Variants in MDFIC observed in about 807,000 individuals in gnomAD.
The protein encoded by MDFIC is MyoD family inhibitor domain containing.
MDFIC carries 17 observed loss-of-function variants against 23.2 expected under a neutral mutation model. That is an observed-to-expected ratio of 0.73 (90% CI 0.50 to 1.10). The LOEUF is 1.10. Among genes scored for constraint, MDFIC ranks in the 50% least tolerant of loss-of-function variants. The pLI, the probability that MDFIC is intolerant of heterozygous loss-of-function variation, is 0.00. For missense variants in MDFIC, 356 were observed against 316.6 expected (o/e 1.12, Z -0.95); for synonymous variants, 120 against 115.2 (o/e 1.04, Z -0.27).
chr7:114,943,050 T>C (rs1792577809), intron 3 of MDFIC, among the ~76,000 whole-genome samples: 1 of 152,130 alleles, frequency 6.6e-6, no homozygotes, highest in Admixed American at 6.5e-5. Context: ...TTATTCGACA[T>C]AGCAAACACC....
At chr7:114,983,801 C>T (rs1393330585) in intron 4 of MDFIC, among the ~76,000 whole-genome samples, 1 of 151,792 alleles carries the variant, frequency 6.6e-6, no homozygotes, top group Non-Finnish European at 1.5e-5. Flanking sequence ...GAACTCCTGA[C>T]CTCAGGTGAT....
chr7:114,923,180 G>T, intron 2 of MDFIC, 53 bp downstream of exon 2: 1 of 1,527,240 alleles, frequency 6.5e-7, no homozygotes, highest in Non-Finnish European at 8.8e-7. Context: ...GCATTTTTCA[G>T]TTTGCTCACA....
At chr7:115,008,890 T>G (rs928130388) in intron 4 of MDFIC, among the ~76,000 whole-genome samples, 3 of 152,194 alleles carry the variant, frequency 2.0e-5, no homozygotes, top group African/African-American at 7.2e-5. Flanking sequence ...CTTCACCCAG[T>G]CAGACTTCTG....
intron 3 of MDFIC, among the ~76,000 whole-genome samples, chr7:114,960,134 T>C (rs951197334): frequency 6.6e-6 from 1 of 152,168 alleles, no homozygotes; most frequent in African/African-American, 2.4e-5. Context: ...GAAATGTACT[T>C]GGAGAAAATC....
At chr7:114,943,581 T>G (rs1188003222) in intron 3 of MDFIC, among the ~76,000 whole-genome samples, 1 of 152,204 alleles carries the variant, frequency 6.6e-6, no homozygotes, top group African/African-American at 2.4e-5. Flanking sequence ...GGAAGATTTA[T>G]ATAGCTTTAT....
chr7:114,950,239 G>T (rs568544952), intron 3 of MDFIC, among the ~76,000 whole-genome samples: 5 of 152,094 alleles, frequency 3.3e-5, no homozygotes, highest in Non-Finnish European at 7.4e-5. Flanking sequence ...CTTGGACTGG[G>T]GTAATGACAG....
chr7:114,952,981 A>C (rs1792808041), intron 3 of MDFIC, among the ~76,000 whole-genome samples: 1 of 152,326 alleles, frequency 6.6e-6, no homozygotes, highest in African/African-American at 2.4e-5. Context: ...GATTATTAAT[A>C]ATTACCATTT....
chr7:114,994,856 G>T (rs979349261), intron 4 of MDFIC, among the ~76,000 whole-genome samples: 4 of 152,070 alleles, frequency 2.6e-5, no homozygotes, highest in Admixed American at 2.6e-4. Flanking sequence ...GAGTATCTTT[G>T]TGGCATTCTC....
At chr7:114,941,447 T>C (rs559357533) in intron 2 of MDFIC, among the ~76,000 whole-genome samples, 7 of 152,320 alleles carry the variant, frequency 4.6e-5, no homozygotes, top group Non-Finnish European at 1.5e-5. Flanking sequence ...GCTTTTGGAG[T>C]TTGCCCGTGC....
intron 3 of MDFIC, among the ~76,000 whole-genome samples, chr7:114,968,716 A>G (rs899033812): frequency 1.3e-5 from 2 of 152,166 alleles, no homozygotes; most frequent in African/African-American, 2.4e-5. Flanking sequence ...CCTTTTCTCA[A>G]TGTATTTTAA....
At chr7:114,952,727 C>A (rs1005777143) in intron 3 of MDFIC, among the ~76,000 whole-genome samples, 13 of 152,106 alleles carry the variant, frequency 8.5e-5, no homozygotes, top group African/African-American at 2.9e-4. Context: ...AGATTCCCAC[C>A]ATCTCAAATT....
chr7:114,941,502 A>T (rs1375871298), intron 2 of MDFIC, among the ~76,000 whole-genome samples: 2 of 152,156 alleles, frequency 1.3e-5, no homozygotes, highest in African/African-American at 4.8e-5. Flanking sequence ...AAATCCAACT[A>T]ATCTTTTGAA....
intron 2 of MDFIC, among the ~76,000 whole-genome samples, chr7:114,937,276 G>T (rs1004217274): frequency 2.0e-5 from 3 of 152,154 alleles, no homozygotes; most frequent in Non-Finnish European, 4.4e-5. Context: ...CTGTAAGATG[G>T]ATAGTCATTT....
At position 115,016,319 on chromosome 7, in the gene MDFIC, G is replaced by A. The variant is rs1791794162; in HGVS notation, c.*384G>A. 1 of 211,660 alleles carries A rather than the reference G, an allele frequency of 4.7e-6. No individual in the cohort carries two copies. The highest frequency in any genetic ancestry group is 6.9e-5 in the South Asian group (1 of 14,570). The allele number at this position is 211,660 out of a possible 1,614,324, so 13.1% of individuals were successfully genotyped here. ...TAAACGAGGCAGTTTATTTTGATATGTATCTATTCATGATTGAAAGGAAGC... is the reference window on the plus strand; with the variant it reads ...TAAACGAGGCAGTTTATTTTGATATATATCTATTCATGATTGAAAGGAAGC... On this transcript the variant is annotated 3_prime_UTR_variant, in exon 5 of 5. Transcript: ENST00000393486.
chr7:114,966,584 A>G (rs1025247054), intron 3 of MDFIC, among the ~76,000 whole-genome samples: 1 of 152,230 alleles, frequency 6.6e-6, no homozygotes, highest in African/African-American at 2.4e-5. Context: ...CCACAGTCAC[A>G]TGACTACAGC....
chr7:114,964,789 T>C (rs1159612035), intron 3 of MDFIC, among the ~76,000 whole-genome samples: 7 of 152,160 alleles, frequency 4.6e-5, no homozygotes, highest in Non-Finnish European at 1.0e-4. Flanking sequence ...GACCTCATGA[T>C]CAGCCTGCCT....
intron 4 of MDFIC, among the ~76,000 whole-genome samples, chr7:115,003,246 G>T (rs1368374052): frequency 6.6e-6 from 1 of 151,796 alleles, no homozygotes; most frequent in Non-Finnish European, 1.5e-5. Context: ...ATTCTTCCTG[G>T]GTGGTTGAAT....
chr7:114,942,249 T>G, intron 2 of MDFIC, 26 bp from the exon 3 acceptor site: 1 of 1,325,404 alleles, frequency 7.5e-7, no homozygotes. Context: ...AAATCAATTA[T>G]ATTAAATGTA....
intron 4 of MDFIC, among the ~76,000 whole-genome samples, chr7:114,995,943 T>C (rs2709471): frequency 0.99 from 150,836 of 152,310 alleles, 74,701 homozygotes; most frequent in Middle Eastern, 1. Context: ...TGTTCCTATT[T>C]GGCCATCTTG....
Sources: gnomAD v4.1 joint callset for allele counts (sites outside exome capture counted in the v4.1 genomes callset) on GRCh38, gnomAD v4.1.1 for gene constraint, MANE v1.5 for transcripts, NCBI Gene and HGNC (gene_info 2026-07-23, HGNC 2026-07-21) for gene names.